YES1: variants seen among roughly 807,000 people sequenced by gnomAD.
YES1 encodes the protein YES proto-oncogene 1, Src family tyrosine kinase.
Under a neutral mutation model 70.4 loss-of-function variants are expected in YES1, and 39 were observed. The ratio of observed to expected loss-of-function variants is 0.55; its 90% confidence interval spans 0.43 to 0.72. YES1 has a LOEUF of 0.72. YES1 is among the 30% of genes least tolerant of loss of function. The pLI is 0.00. For missense variants in YES1, 495 were observed against 644.8 expected (o/e 0.77, Z 2.52); for synonymous variants, 198 against 218.6 (o/e 0.91, Z 0.83).
chr18:791,485 A>G (rs1049317927), intron 1 of YES1, among the ~76,000 whole-genome samples: 2 of 152,162 alleles, frequency 1.3e-5, no homozygotes, highest in African/African-American at 4.8e-5. Context: ...AAGATGAGGA[A>G]ACTAAGGCAC....
chr18:786,466 T>C (rs543214815), intron 1 of YES1, among the ~76,000 whole-genome samples: 33 of 149,340 alleles, frequency 2.2e-4, no homozygotes, highest in African/African-American at 8.1e-4. Context: ...GCAACATTCA[T>C]TACTATAAAC....
intron 1 of YES1, among the ~76,000 whole-genome samples, chr18:795,122 G>C (rs577962672): frequency 1.5e-3 from 227 of 152,278 alleles, no homozygotes; most frequent in African/African-American, 5.1e-3. Context: ...CTGAGGGTTA[G>C]GACCCTTTTG....
intron 10 of YES1, chr18:736,398 C>A (rs1006036147): frequency 3.8e-4 from 61 of 160,398 alleles, no homozygotes; most frequent in African/African-American, 1.4e-3. Flanking sequence ...CTGGCCTCTA[C>A]CCACTAGATG....
At chr18:761,694 G>A (rs779451004) in intron 1 of YES1, among the ~76,000 whole-genome samples, 4 of 151,964 alleles carry the variant, frequency 2.6e-5, no homozygotes, top group African/African-American at 9.7e-5. Context: ...ACACATCTAC[G>A]CACTTATCTT....
intron 3 of YES1, 84 bp from the exon 4 acceptor site, chr18:748,102 T>G: frequency 3.7e-6 from 4 of 1,080,702 alleles, no homozygotes; most frequent in Non-Finnish European, 5.6e-6. Flanking sequence ...GTATCTGAAG[T>G]AAACAAAGGG....
chr18:806,463 A>G (rs759045691), intron 1 of YES1, among the ~76,000 whole-genome samples: 1 of 152,242 alleles, frequency 6.6e-6, no homozygotes, highest in Non-Finnish European at 1.5e-5. Context: ...AGCTAGTTTT[A>G]TAACATTTTA....
chr18:756,747 T>G lies in YES1; in HGVS notation c.81A>C (p.Thr27=). 6.2e-7 allele frequency: 1 copy of G among 1,614,224 alleles called. No homozygotes were observed. The highest frequency in any genetic ancestry group is 8.5e-7 in the Non-Finnish European group (1 of 1,180,042). The change falls in exon 2 of 12, where the codon ACA becomes ACC. Residue 27 remains threonine, a synonymous_variant. Coordinates refer to ENST00000314574, the MANE Select transcript of YES1 (RefSeq NM_005433.4). The part of the protein sequence containing the change: ...RPENTPEPVS[T]SVSHYGAEPT... ...GTTCTGCTCCATAATGGCTCACACT[T>G]GTACTGACAGGCTCTGGAGTATTTT...
intron 1 of YES1, among the ~76,000 whole-genome samples, chr18:806,738 A>C (rs1254520245): frequency 6.6e-6 from 1 of 152,242 alleles, no homozygotes; most frequent in South Asian, 2.1e-4. Context: ...GAGCACAAAG[A>C]GGTCATAACA....
At chr18:765,270 A>ATATATATATATAGT (rs1424923889) in intron 1 of YES1, among the ~76,000 whole-genome samples, 1 of 96,964 alleles carries the variant, frequency 1.0e-5, no homozygotes, top group South Asian at 3.2e-4. Context: ...ATATATATAT[A>ATATATATATATAGT]TATATATATA....
intron 10 of YES1, among the ~76,000 whole-genome samples, chr18:735,060 G>A (rs2080136547): frequency 6.6e-6 from 1 of 151,122 alleles, no homozygotes. Flanking sequence ...GGGAGGCTGA[G>A]GCAGGAGAAT....
rs1052643403 is a variant in YES1, at chr18:786,189, G to A, written c.-9+25925C>T. On this transcript the variant is annotated intron_variant, in intron 1 of 11. Coordinates refer to ENST00000314574, the MANE Select transcript of YES1 (RefSeq NM_005433.4). ...TGTTCTTCAAATAACCTCTAAATGA[G>A]AATTTGGCAGGAAGCTGGTCTCCAC... Among the ~76,000 whole-genome samples, 29 of 133,732 alleles carry A rather than the reference G, an allele frequency of 2.2e-4. No homozygotes were observed. In the Admixed American group the frequency reaches 2.4e-3, roughly 11 times the overall value. 87.7% of individuals were successfully genotyped at this position (133,732 alleles called of 152,430 possible).
At chr18:807,178 A>G (rs145855201) in intron 1 of YES1, among the ~76,000 whole-genome samples, 293 of 152,240 alleles carry the variant, frequency 1.9e-3, no homozygotes, top group Non-Finnish European at 3.4e-3. Context: ...TACTAAAAGT[A>G]CAAAAATTAG....
intron 1 of YES1, among the ~76,000 whole-genome samples, chr18:786,781 C>T (rs1905969504): frequency 6.6e-6 from 1 of 152,054 alleles, no homozygotes; most frequent in Non-Finnish European, 1.5e-5. Flanking sequence ...CATATCTCTA[C>T]CATAAAGTCA....
In YES1 at chr18:765,246, AACTATATATATATATATATATATATAT is replaced by A. The variant is rs1364726406; in HGVS notation, c.-8-8438_-8-8412del. Among the ~76,000 whole-genome samples the A allele has an allele frequency of 1.8e-5, 2 of 111,412 alleles. 1 individual carries two copies. The highest frequency in any genetic ancestry group is 2.1e-4 in the Admixed American group (2 of 9,746). The allele number at this position is 111,412 out of a possible 152,430, so 73.1% of individuals were successfully genotyped here. On this transcript the variant is annotated intron_variant, in intron 1 of 11. Transcript: ENST00000314574. Reference sequence around the variant, plus strand: ...CTGGACAGGTTTGGGAAAGAGTTACAACTATATATATATATATATATATATATATATATATATATATATATATCTGTA... The same window carrying A: ...CTGGACAGGTTTGGGAAAGAGTTACAATATATATATATATATATATCTGTA...
intron 1 of YES1, among the ~76,000 whole-genome samples, chr18:785,148 C>T (rs1484326102): frequency 8.5e-6 from 1 of 117,746 alleles, no homozygotes; most frequent in Non-Finnish European, 1.7e-5. Context: ...AAGTTATGCA[C>T]AGACCTTTTT....
At chr18:734,888 T>C (rs9960351) in intron 10 of YES1, among the ~76,000 whole-genome samples, 14,654 of 152,220 alleles carry the variant, frequency 0.096, 893 homozygotes, top group Admixed American at 0.21. Flanking sequence ...CCAGGTGTGG[T>C]GGCTCACGCC....
intron 1 of YES1, among the ~76,000 whole-genome samples, chr18:811,750 C>A (rs1407233651): frequency 6.6e-6 from 1 of 152,248 alleles, no homozygotes; most frequent in African/African-American, 2.4e-5. Context: ...TCCCTCGCCC[C>A]TACTTCGGCC....
rs1333048338 is a variant in YES1 at position 724,227 on chromosome 18, G to A, written c.*197C>T. 3.5e-6 allele frequency: 2 copies of A among 578,856 alleles called. No individual in the cohort carries two copies. Among genetic ancestry groups the A allele is most frequent in the Admixed American group, 3.0e-5 (1 of 33,054 alleles). The allele number at this position is 578,856 out of a possible 1,614,324, so 35.9% of individuals were successfully genotyped here. ...TTTTGTTTGGACCCTGAAATACGCTGATAAATTCATCATTGGTACATTAGA... is the reference window on the plus strand; with the variant it reads ...TTTTGTTTGGACCCTGAAATACGCTAATAAATTCATCATTGGTACATTAGA... On this transcript the variant is annotated 3_prime_UTR_variant, in exon 12 of 12. Transcript: ENST00000314574.
At chr18:783,904 G>A (rs567096912) in intron 1 of YES1, among the ~76,000 whole-genome samples, 82 of 152,194 alleles carry the variant, frequency 5.4e-4, no homozygotes, top group African/African-American at 1.9e-3. Context: ...GTGAACCACC[G>A]CACCTAGCTC....
Sources: gnomAD v4.1 joint callset for allele counts (sites outside exome capture counted in the v4.1 genomes callset) on GRCh38, gnomAD v4.1.1 for gene constraint, MANE v1.5 for transcripts, NCBI Gene and HGNC (gene_info 2026-07-23, HGNC 2026-07-21) for gene names.